PDE4D: variants seen among roughly 807,000 people sequenced by gnomAD.
PDE4D encodes the protein 3',5'-cyclic-AMP phosphodiesterase 4D.
PDE4D carries 24 observed loss-of-function variants against 87.4 expected under a neutral mutation model. The observed-to-expected ratio is 0.27, with a 90% CI of 0.20 to 0.39. The LOEUF is 0.39. Among genes scored for constraint, PDE4D ranks in the 10% least tolerant of loss-of-function variants. The pLI is 1.00. For missense variants in PDE4D, 714 were observed against 1,041.0 expected, an observed-to-expected ratio of 0.69 and a Z score of 4.32; for synonymous variants, 384 against 383.2, an observed-to-expected ratio of 1.00 and a Z score of -0.02.
At chr5:59,450,010 T>G (rs1463500563) in intron 1 of PDE4D, among the ~76,000 whole-genome samples, 3 of 152,186 alleles carry the variant, frequency 2.0e-5, no homozygotes. Context: ...AGTTTCTATG[T>G]GTTTGCCATT....
At chr5:59,860,612 C>G (rs1166799550) in intron 1 of PDE4D, among the ~76,000 whole-genome samples, 3 of 152,112 alleles carry the variant, frequency 2.0e-5, no homozygotes, top group Non-Finnish European at 4.4e-5. Context: ...AGACCACATT[C>G]TAATAAAAAC....
At chr5:59,159,005 G>A (rs1780633421) in intron 5 of PDE4D, among the ~76,000 whole-genome samples, 3 of 152,218 alleles carry the variant, frequency 2.0e-5, no homozygotes, top group Admixed American at 1.3e-4. Flanking sequence ...AATACAGAAA[G>A]TGTGACTATG....
intron 1 of PDE4D, among the ~76,000 whole-genome samples, chr5:60,515,762 A>G (rs994895278): frequency 2.0e-5 from 3 of 152,000 alleles, no homozygotes; most frequent in Non-Finnish European, 4.4e-5. Flanking sequence ...GGTTTTTCAA[A>G]CTGTAGGTTA....
chr5:59,713,837 C>T (rs1446443478), intron 1 of PDE4D, among the ~76,000 whole-genome samples: 1 of 152,046 alleles, frequency 6.6e-6, no homozygotes, highest in Non-Finnish European at 1.5e-5. Flanking sequence ...TTCTGTGCTA[C>T]AAGAAGTACA....
chr5:59,174,001 G>A (rs1183100260), intron 5 of PDE4D, among the ~76,000 whole-genome samples: 1 of 152,098 alleles, frequency 6.6e-6, no homozygotes, highest in Non-Finnish European at 1.5e-5. Context: ...TAAGTAAGTA[G>A]CCAGCATCCT....
intron 5 of PDE4D, chr5:59,063,157 T>C (rs1230118121): frequency 6.6e-6 from 1 of 152,218 alleles, no homozygotes; most frequent in Non-Finnish European, 1.5e-5. Flanking sequence ...TGAGGCTTAT[T>C]GCCTAAACCA....
chr5:59,849,280 G>T (rs921894499), intron 1 of PDE4D, among the ~76,000 whole-genome samples: 5 of 151,946 alleles, frequency 3.3e-5, no homozygotes, highest in African/African-American at 4.8e-5. Context: ...ATCATCTTGA[G>T]TACGGAATGA....
At chr5:59,635,455 A>G (rs953139692) in intron 1 of PDE4D, among the ~76,000 whole-genome samples, 1 of 152,204 alleles carries the variant, frequency 6.6e-6, no homozygotes, top group Non-Finnish European at 1.5e-5. Flanking sequence ...TCTCAGGCCA[A>G]ATATCCTTGA....
chr5:60,368,242 C>T (rs774603287), intron 1 of PDE4D, among the ~76,000 whole-genome samples: 16 of 152,206 alleles, frequency 1.1e-4, no homozygotes, highest in African/African-American at 3.6e-4. Context: ...CAGGTAACAA[C>T]GATGTGGCTT....
At chr5:60,165,038 C>T (rs1782768937) in intron 2 of PDE4D, among the ~76,000 whole-genome samples, 1 of 152,030 alleles carries the variant, frequency 6.6e-6, no homozygotes, top group Non-Finnish European at 1.5e-5. Context: ...TTGTCCAAGC[C>T]CCCTCCCCCA....
At chr5:59,632,481 C>T (rs1268749646) in intron 1 of PDE4D, among the ~76,000 whole-genome samples, 1 of 152,212 alleles carries the variant, frequency 6.6e-6, no homozygotes, top group African/African-American at 2.4e-5. Context: ...ACAGACACTT[C>T]ATACAGGAGA....
intron 1 of PDE4D, among the ~76,000 whole-genome samples, chr5:59,593,688 C>A (rs1444471872): frequency 6.6e-6 from 1 of 152,142 alleles, no homozygotes; most frequent in Non-Finnish European, 1.5e-5. Flanking sequence ...TCACAACATA[C>A]CGGAGCAGAA....
At chr5:59,410,643 C>T (rs1792495984) in intron 1 of PDE4D, among the ~76,000 whole-genome samples, 1 of 152,044 alleles carries the variant, frequency 6.6e-6, no homozygotes, top group Non-Finnish European at 1.5e-5. Context: ...TCTTCCAGTT[C>T]CAACTATGCT....
chr5:60,049,443 T>A (rs2152877225), intron 2 of PDE4D, among the ~76,000 whole-genome samples: 1 of 152,378 alleles, frequency 6.6e-6, no homozygotes, highest in East Asian at 1.9e-4. Flanking sequence ...AGAGGCACTC[T>A]GCTTTTTAGA....
intron 1 of PDE4D, among the ~76,000 whole-genome samples, chr5:59,253,399 T>A (rs1190330452): frequency 6.6e-6 from 1 of 152,162 alleles, no homozygotes; most frequent in East Asian, 1.9e-4. Context: ...CAGGAATAGA[T>A]TGTTAATTGG....
At chr5:59,279,908 C>T (rs1765519764) in intron 1 of PDE4D, among the ~76,000 whole-genome samples, 1 of 151,876 alleles carries the variant, frequency 6.6e-6, no homozygotes, top group African/African-American at 2.4e-5. Context: ...TAAAATTCAT[C>T]CATCCTCTTT....
At chr5:60,521,688 A>AG (rs1751044309) in intron 1 of PDE4D, 1 of 152,066 alleles carries the variant, frequency 6.6e-6, no homozygotes, top group Admixed American at 6.6e-5. Context: ...GGGAGAGGGG[A>AG]GGGGGAAGGG....
intron 5 of PDE4D, among the ~76,000 whole-genome samples, chr5:59,142,878 C>T (rs1443145694): frequency 3.3e-5 from 5 of 152,180 alleles, no homozygotes; most frequent in African/African-American, 4.8e-5. Context: ...GATCGTGCCA[C>T]TGCACTCCAG....
At chr5:59,177,829 C>T (rs904023756) in intron 5 of PDE4D, among the ~76,000 whole-genome samples, 3 of 152,196 alleles carry the variant, frequency 2.0e-5, no homozygotes, top group African/African-American at 7.2e-5. Flanking sequence ...GAACCTGTAC[C>T]TGGGGCCTCT....
Sources: allele counts gnomAD v4.1 joint callset (sites outside exome capture counted in the v4.1 genomes callset), GRCh38; gene constraint gnomAD v4.1.1; transcripts MANE v1.5; gene names NCBI Gene and HGNC (gene_info 2026-07-23, HGNC 2026-07-21).